The following BEAN1 variants were observed in gnomAD, a reference collection of about 807,000 sequenced individuals.
BEAN1 encodes the protein protein BEAN1.
Under a neutral mutation model 17.7 loss-of-function variants are expected in BEAN1, and 17 were observed. The ratio of observed to expected loss-of-function variants is 0.96; its 90% CI spans 0.66 to 1.44. The LOEUF (loss-of-function observed/expected upper bound fraction) is 1.44, where lower values mean the gene tolerates loss of function less well. Ranked by LOEUF, BEAN1 falls within the 40% of genes most tolerant of loss-of-function variation. The probability of loss-of-function intolerance (pLI) is 0.00; values close to 1 mark genes in which losing one functional copy is unlikely to be tolerated. For synonymous variants in BEAN1, 142 were observed against 151.8 expected (o/e 0.94, Z 0.47); for missense variants, 359 against 374.1 (o/e 0.96, Z 0.33).
intron 2 of BEAN1, among the ~76,000 whole-genome samples, chr16:66,456,134 G>A (rs138955980): frequency 6.6e-6 from 1 of 152,200 alleles, no homozygotes; most frequent in Non-Finnish European, 1.5e-5. Flanking sequence ...TTGTTCCAAG[G>A]ACTAAAACCT....
intron 2 of BEAN1, among the ~76,000 whole-genome samples, chr16:66,449,666 T>C (rs1320326424): frequency 6.6e-6 from 1 of 150,510 alleles, no homozygotes; most frequent in Non-Finnish European, 1.5e-5. Flanking sequence ...AAAAAGATTA[T>C]ATTTTTTCAA....
At chr16:66,445,684 C>T (rs1264634148) in intron 2 of BEAN1, among the ~76,000 whole-genome samples, 1 of 151,810 alleles carries the variant, frequency 6.6e-6, no homozygotes, top group Non-Finnish European at 1.5e-5. Context: ...AGCATGAAGG[C>T]CAGGGTGCCT....
chr16:66,432,464 C>A (rs912102240), intron 1 of BEAN1, among the ~76,000 whole-genome samples: 1 of 152,212 alleles, frequency 6.6e-6, no homozygotes, highest in African/African-American at 2.4e-5. Flanking sequence ...TGCAACTGAC[C>A]GAAGTCCCTG....
At chr16:66,485,512 G>A, downstream of BEAN1, 1 of 235,350 alleles carries the variant, frequency 4.2e-6, no homozygotes, top group Non-Finnish European at 8.6e-6. Flanking sequence ...ACCCCACATT[G>A]CACGTCCTCG....
At chr16:66,486,011 C>G (rs532142444), downstream of BEAN1, 8 of 152,364 alleles carry the variant, frequency 5.3e-5, no homozygotes, top group East Asian at 1.5e-3. Context: ...TATGTCATCT[C>G]TCTCTGGATT....
chr16:66,432,578 A>T (rs1961847207), intron 1 of BEAN1, among the ~76,000 whole-genome samples: 1 of 152,178 alleles, frequency 6.6e-6, no homozygotes, highest in Admixed American at 6.5e-5. Flanking sequence ...GTCACGGGGC[A>T]CTTCCTATGT....
chr16:66,462,687 G>C (rs7204183), intron 2 of BEAN1, among the ~76,000 whole-genome samples: 21,415 of 152,032 alleles, frequency 0.14, 1,876 homozygotes, highest in South Asian at 0.23. Flanking sequence ...TATAATCCCA[G>C]CTACTTGGGA....
intron 2 of BEAN1, among the ~76,000 whole-genome samples, chr16:66,462,915 A>G (rs779101728): frequency 2.0e-5 from 3 of 152,210 alleles, no homozygotes; most frequent in Non-Finnish European, 4.4e-5. Flanking sequence ...ACAAATAAAT[A>G]AGCAGGATGT....
chr16:66,437,361 C>T (rs1962067564), intron 1 of BEAN1, among the ~76,000 whole-genome samples: 1 of 152,068 alleles, frequency 6.6e-6, no homozygotes, highest in East Asian at 1.9e-4. Context: ...ATCTCCTCCC[C>T]ACCACCCCCC....
chr16:66,442,898 T>C (rs1962312621), intron 2 of BEAN1, among the ~76,000 whole-genome samples: 1 of 152,100 alleles, frequency 6.6e-6, no homozygotes, highest in Non-Finnish European at 1.5e-5. Flanking sequence ...GGAGATGAAT[T>C]TGGGGTTCAG....
intron 2 of BEAN1, among the ~76,000 whole-genome samples, chr16:66,438,903 CA>C: frequency 6.6e-6 from 1 of 152,264 alleles, no homozygotes; most frequent in East Asian, 1.9e-4. Context: ...TCTGTGAAAT[CA>C]GAGACCCTAA....
At chr16:66,491,265 G>A (rs1964172921) in intron 4 of BEAN1, among the ~76,000 whole-genome samples, 1 of 152,212 alleles carries the variant, frequency 6.6e-6, no homozygotes, top group South Asian at 2.1e-4. Context: ...GCTGTTGTGG[G>A]GATCCCAGCC....
chr16:66,484,101 T>C (rs1964051091), downstream of BEAN1: 1 of 180,064 alleles, frequency 5.6e-6, no homozygotes, highest in African/African-American at 2.4e-5. This position sits in a 1 kb window ranked among gnomAD's most constrained non-coding sequence, Gnocchi z 4.2. Flanking sequence ...TATTCCATTT[T>C]TGGGGCTCAC....
At chr16:66,486,116 A>T (rs1166972059), downstream of BEAN1, 1 of 152,200 alleles carries the variant, frequency 6.6e-6, no homozygotes, top group East Asian at 1.9e-4. Context: ...AAACAAAGAG[A>T]TCCTCTCTCT....
chr16:66,474,613 G>A (rs1368755146), intron 3 of BEAN1, among the ~76,000 whole-genome samples: 1 of 18,720 alleles, frequency 5.3e-5, no homozygotes, highest in Non-Finnish European at 1.5e-4. Context: ...AGAGAGGGAG[G>A]GAGGAAGGGA....
rs759069845 is a variant in BEAN1 at position 66,473,558 on chromosome 16, G to A, written c.289+3693G>A. On this transcript the variant is annotated intron_variant, in intron 3 of 4. Coordinates refer to ENST00000536005, the MANE Select transcript of BEAN1 (RefSeq NM_001178020.3). The surrounding 1 kb of genome is among the most constrained non-coding windows in gnomAD (Gnocchi z 4.5). Reference sequence around the variant, plus strand: ...GAACATGAAAGCGGCACCACCAGGCGCGGTGCCTCACACCTATAATCCCAG... The same window carrying A: ...GAACATGAAAGCGGCACCACCAGGCACGGTGCCTCACACCTATAATCCCAG... 9.2e-5 allele frequency among the ~76,000 whole-genome samples: 14 copies of A among 152,046 alleles called. No individual in the cohort carries two copies. Among genetic ancestry groups the A allele is most frequent in the Admixed American group, 5.9e-4 (9 of 15,270 alleles).
chr16:66,455,623 C>G (rs1962835874), intron 2 of BEAN1, among the ~76,000 whole-genome samples: 1 of 151,876 alleles, frequency 6.6e-6, no homozygotes, highest in African/African-American at 2.4e-5. Flanking sequence ...TTACATGAGC[C>G]TTACCTAGGG....
chr16:66,467,340 G>A (rs1248247900), intron 2 of BEAN1, among the ~76,000 whole-genome samples: 7 of 152,146 alleles, frequency 4.6e-5, no homozygotes, highest in African/African-American at 7.2e-5. Context: ...ATTGACTCAC[G>A]GTTCCAGATG....
chr16:66,485,453 TTCA>T, downstream of BEAN1: 1 of 307,458 alleles, frequency 3.3e-6, no homozygotes, highest in South Asian at 2.9e-5. Context: ...GACAGTAAGC[TTCA>T]TCGTCTGAGG....
Sources: allele counts gnomAD v4.1 joint callset (sites outside exome capture counted in the v4.1 genomes callset), GRCh38; gene constraint gnomAD v4.1.1; non-coding constraint Gnocchi (gnomAD v3.1); transcripts MANE v1.5; gene names NCBI Gene and HGNC (gene_info 2026-07-23, HGNC 2026-07-21).